Variants in MACROD2 observed in about 807,000 individuals in gnomAD.
The protein encoded by MACROD2 is ADP-ribose glycohydrolase MACROD2.
MACROD2 carries 36 observed loss-of-function variants against 70.4 expected under a neutral mutation model. The ratio of observed to expected loss-of-function variants is 0.51; its 90% CI spans 0.39 to 0.68. The LOEUF (loss-of-function observed/expected upper bound fraction) is 0.68, where lower values mean the gene tolerates loss of function less well. Among genes scored for constraint, MACROD2 ranks in the 30% least tolerant of loss-of-function variants. MACROD2 has a pLI of 0.00. For synonymous variants in MACROD2, 172 were observed against 178.8 expected (o/e 0.96, Z 0.30); for missense variants, 496 against 538.4 (o/e 0.92, Z 0.78).
intron 3 of MACROD2, among the ~76,000 whole-genome samples, chr20:14,434,459 A>AT (rs61308618): frequency 0.3 from 45,323 of 151,926 alleles, 7,864 homozygotes; most frequent in South Asian, 0.59. Flanking sequence ...CTACACTCTC[A>AT]TAACACTTCT....
chr20:15,721,939 T>C (rs975107805), intron 8 of MACROD2, among the ~76,000 whole-genome samples: 3 of 152,186 alleles, frequency 2.0e-5, no homozygotes, highest in African/African-American at 7.2e-5. Context: ...TCCCTAAAAA[T>C]ACAGCATGTT....
At chr20:14,711,827 A>G (rs1013915206) in intron 5 of MACROD2, among the ~76,000 whole-genome samples, 7 of 152,122 alleles carry the variant, frequency 4.6e-5, no homozygotes, top group Non-Finnish European at 7.4e-5. Context: ...GAGCACTTAC[A>G]GTTTATCTCT....
chr20:15,495,941 G>C (rs2047292268), intron 7 of MACROD2, among the ~76,000 whole-genome samples: 1 of 152,178 alleles, frequency 6.6e-6, no homozygotes, highest in South Asian at 2.1e-4. Context: ...ATTTCAGAAA[G>C]AGGAAAGAGC....
At chr20:15,019,205 A>G (rs772279836) in intron 5 of MACROD2, among the ~76,000 whole-genome samples, 9 of 152,222 alleles carry the variant, frequency 5.9e-5, no homozygotes, top group Non-Finnish European at 7.3e-5. Context: ...GAAAGAAGAA[A>G]GGAAGAAAAC....
At chr20:15,785,324 A>G (rs1356271741) in intron 8 of MACROD2, among the ~76,000 whole-genome samples, 1 of 152,164 alleles carries the variant, frequency 6.6e-6, no homozygotes, top group Non-Finnish European at 1.5e-5. Context: ...CCCTCCTGTC[A>G]GAGATCGTGC....
rs76061726 is a variant in MACROD2 at position 14,326,359 on chromosome 20, G to C, written c.272-167120G>C. On this transcript the variant is annotated intron_variant, in intron 3 of 17. Coordinates refer to ENST00000684519, the MANE Select transcript of MACROD2 (RefSeq NM_001351661.2). This position sits in a 1 kb window ranked among gnomAD's most constrained non-coding sequence, Gnocchi z 5.5. ...AATATCTGGCTGTTTGGTCACTGGA[G>C]CTGGCCACTGTCCTTGGGCAGGATA... is the stretch of plus-strand genomic sequence containing the variant. 21 of 1,613,938 alleles carry C rather than the reference G, an allele frequency of 1.3e-5. No individual in the cohort carries two copies. The African/African-American group carries it at 2.8e-4, about 22-fold the overall frequency.
chr20:14,443,667 A>C (rs1298307496), intron 3 of MACROD2, among the ~76,000 whole-genome samples: 1 of 152,092 alleles, frequency 6.6e-6, no homozygotes, highest in African/African-American at 2.4e-5. Flanking sequence ...TGTCAAATTG[A>C]TTCAGTTAAA....
chr20:15,819,769 G>C (rs539368965), intron 8 of MACROD2, among the ~76,000 whole-genome samples: 45 of 152,136 alleles, frequency 3.0e-4, no homozygotes, highest in African/African-American at 1.0e-3. Flanking sequence ...GTTGGGAAGA[G>C]GGGGAGGAAA....
At chr20:15,325,114 G>C (rs910002384) in intron 6 of MACROD2, among the ~76,000 whole-genome samples, 1 of 152,056 alleles carries the variant, frequency 6.6e-6, no homozygotes, top group African/African-American at 2.4e-5. Context: ...CTCACCACCT[G>C]ACAATAGAAG....
intron 3 of MACROD2, among the ~76,000 whole-genome samples, chr20:14,303,104 T>C (rs1454194072): frequency 6.6e-6 from 1 of 152,184 alleles, no homozygotes; most frequent in African/African-American, 2.4e-5. Context: ...CTATGGCTTA[T>C]ATTTATGGTA....
intron 3 of MACROD2, among the ~76,000 whole-genome samples, chr20:14,239,377 A>C (rs2081908950): frequency 6.6e-6 from 1 of 152,216 alleles, no homozygotes; most frequent in African/African-American, 2.4e-5. Flanking sequence ...AACTGTTTTA[A>C]AATTCATATG....
At chr20:15,132,136 T>C (rs190512001) in intron 5 of MACROD2, among the ~76,000 whole-genome samples, 82 of 152,090 alleles carry the variant, frequency 5.4e-4, no homozygotes, top group African/African-American at 1.8e-3. Flanking sequence ...AAAAACTCAG[T>C]GTATGATAAA....
chr20:15,490,686 AC>A (rs2047220994), intron 7 of MACROD2, among the ~76,000 whole-genome samples: 1 of 152,190 alleles, frequency 6.6e-6, no homozygotes, highest in Non-Finnish European at 1.5e-5. Flanking sequence ...AGAAAGTGGG[AC>A]CAGGGAGCCA....
chr20:15,664,097 T>A (rs574931360), intron 8 of MACROD2, among the ~76,000 whole-genome samples: 2 of 152,350 alleles, frequency 1.3e-5, no homozygotes, highest in South Asian at 4.1e-4. Context: ...AGATCAGCAT[T>A]AAACTCTGGG....
chr20:16,038,513 C>A (rs1475540434), intron 15 of MACROD2, among the ~76,000 whole-genome samples: 2 of 143,956 alleles, frequency 1.4e-5, no homozygotes, highest in East Asian at 2.1e-4. Context: ...CTATTTAATT[C>A]TTAACTTGTT....
At chr20:14,555,909 A>G (rs775236996) in intron 4 of MACROD2, among the ~76,000 whole-genome samples, 9 of 152,180 alleles carry the variant, frequency 5.9e-5, no homozygotes, top group South Asian at 4.1e-4. Flanking sequence ...GAATGCTGAC[A>G]TCAGTTGTAA....
chr20:15,112,154 T>C (rs746950568), intron 5 of MACROD2, among the ~76,000 whole-genome samples: 2 of 152,196 alleles, frequency 1.3e-5, no homozygotes, highest in Non-Finnish European at 2.9e-5. Context: ...CTATTCATTG[T>C]TGCAGAGACC....
chr20:14,434,923 A>G (rs1316238158), intron 3 of MACROD2, among the ~76,000 whole-genome samples: 1 of 152,142 alleles, frequency 6.6e-6, no homozygotes, highest in African/African-American at 2.4e-5. Flanking sequence ...GAGGTTCCTA[A>G]TACTTTCTCA....
intron 8 of MACROD2, among the ~76,000 whole-genome samples, chr20:15,540,638 A>C (rs750512707): frequency 3.9e-5 from 6 of 152,198 alleles, no homozygotes; most frequent in Non-Finnish European, 7.3e-5. Flanking sequence ...AAAGTGCACA[A>C]ATTGAGCAGC....
Sources: allele counts gnomAD v4.1 joint callset (sites outside exome capture counted in the v4.1 genomes callset), GRCh38; gene constraint gnomAD v4.1.1; non-coding constraint Gnocchi (gnomAD v3.1); transcripts MANE v1.5; gene names NCBI Gene and HGNC (gene_info 2026-07-23, HGNC 2026-07-21).